Variants in DTWD2 observed in about 807,000 individuals in gnomAD.
DTWD2 encodes the protein tRNA-uridine aminocarboxypropyltransferase 2.
DTWD2 carries 39 observed loss-of-function variants against 31.8 expected under a neutral mutation model. The ratio of observed to expected loss-of-function variants is 1.22; its 90% CI spans 0.95 to 1.60. The LOEUF (loss-of-function observed/expected upper bound fraction) is 1.60, where lower values mean the gene tolerates loss of function less well. Ranked by LOEUF, DTWD2 falls within the 40% of genes most tolerant of loss-of-function variation. DTWD2 has a pLI of 0.00. For synonymous variants in DTWD2, 180 were observed against 142.8 expected, an observed-to-expected ratio of 1.26 and a Z score of -1.86; for missense variants, 515 against 381.5, an observed-to-expected ratio of 1.35 and a Z score of -2.92.
intron 5 of DTWD2, among the ~76,000 whole-genome samples, chr5:118,845,332 A>G (rs189738334): frequency 1.2e-3 from 187 of 152,284 alleles, no homozygotes; most frequent in African/African-American, 4.3e-3. Flanking sequence ...GAAAACACCT[A>G]TGTTTAGGGC....
intron 5 of DTWD2, among the ~76,000 whole-genome samples, chr5:118,844,535 C>T (rs1392206769): frequency 2.0e-5 from 3 of 152,038 alleles, no homozygotes; most frequent in Admixed American, 6.6e-5. Context: ...ACAACTGTGG[C>T]GATTACTCAT....
intron 1 of DTWD2, among the ~76,000 whole-genome samples, chr5:118,960,886 A>T (rs1467466258): frequency 6.6e-6 from 1 of 152,170 alleles, no homozygotes; most frequent in Non-Finnish European, 1.5e-5. Flanking sequence ...GTACACATGG[A>T]TGCCAAGAAG....
At chr5:118,985,918 G>T (rs1211461163) in intron 1 of DTWD2, among the ~76,000 whole-genome samples, 2 of 152,042 alleles carry the variant, frequency 1.3e-5, no homozygotes, top group Non-Finnish European at 2.9e-5. Flanking sequence ...TTTAATCTGA[G>T]GGCTCCCCAT....
At position 118,928,646 on chromosome 5, in the gene DTWD2, A is replaced by T; in HGVS notation, c.488T>A (p.Phe163Tyr). The T allele has an allele frequency of 6.2e-7, 1 of 1,602,022 alleles. No individual in the cohort carries two copies. The highest frequency in any genetic ancestry group is 8.5e-7 in the Non-Finnish European group (1 of 1,173,518). ...AGGATAAACAGGAGAATCTAATATA[A>T]ATTCTTCCAAATTAGCAGCTTCAGC... ...PGAEAANLEE[F>Y]ILDSPVYPST... The change falls in exon 4 of 6, where the codon TTT becomes TAT. Residue 163 changes from phenylalanine to tyrosine, a missense_variant. Phe to Tyr is a conservative substitution (Grantham distance 22, BLOSUM62 3). Coordinates refer to ENST00000510708, the MANE Select transcript of DTWD2 (RefSeq NM_173666.4).
intron 4 of DTWD2, among the ~76,000 whole-genome samples, chr5:118,923,996 TGCAGCCC>T (rs1753759164): frequency 1.3e-5 from 2 of 152,232 alleles, no homozygotes; most frequent in Non-Finnish European, 2.9e-5. Context: ...GACTGGCTTC[TGCAGCCC>T]AGTGTGGCTT....
chr5:118,873,500 T>C (rs1408408578), intron 4 of DTWD2, among the ~76,000 whole-genome samples: 3 of 152,204 alleles, frequency 2.0e-5, no homozygotes, highest in African/African-American at 7.2e-5. Context: ...TCAGCCTGCA[T>C]GCGGCTTCTT....
chr5:118,923,147 T>C (rs1252438160), intron 4 of DTWD2, among the ~76,000 whole-genome samples: 1 of 152,132 alleles, frequency 6.6e-6, no homozygotes, highest in East Asian at 1.9e-4. Flanking sequence ...CCTTATAAAT[T>C]GTACCTCATT....
intron 4 of DTWD2, among the ~76,000 whole-genome samples, chr5:118,855,768 C>T (rs181565665): frequency 3.2e-4 from 49 of 152,096 alleles, no homozygotes; most frequent in African/African-American, 1.1e-3. Flanking sequence ...ATAAAAAATG[C>T]ATGTTAATTA....
chr5:118,944,015 C>T (rs1428599887), intron 2 of DTWD2, among the ~76,000 whole-genome samples: 2 of 152,304 alleles, frequency 1.3e-5, no homozygotes, highest in East Asian at 1.9e-4. Context: ...TCAAGAGTTA[C>T]AAACACATAT....
intron 5 of DTWD2, among the ~76,000 whole-genome samples, chr5:118,843,295 G>C (rs1751765828): frequency 6.6e-6 from 1 of 150,548 alleles, no homozygotes; most frequent in Non-Finnish European, 1.5e-5. Flanking sequence ...GGAAGGAAGG[G>C]AAAGGAAGGG....
chr5:118,865,618 A>G (rs907518159), intron 4 of DTWD2, among the ~76,000 whole-genome samples: 1 of 152,202 alleles, frequency 6.6e-6, no homozygotes, highest in Non-Finnish European at 1.5e-5. Flanking sequence ...AATTTTAAGA[A>G]AGACAAGAGT....
At chr5:118,846,331 A>T (rs968108491) in intron 5 of DTWD2, among the ~76,000 whole-genome samples, 4 of 152,152 alleles carry the variant, frequency 2.6e-5, no homozygotes. Flanking sequence ...TTCTACAACC[A>T]CTATTACCAT....
intron 4 of DTWD2, among the ~76,000 whole-genome samples, chr5:118,861,294 T>G (rs1216637242): frequency 6.6e-6 from 1 of 152,230 alleles, no homozygotes; most frequent in Non-Finnish European, 1.5e-5. Context: ...ATGATTAGAG[T>G]AAGCATTTGG....
At chr5:118,920,873 A>G (rs1031870739) in intron 4 of DTWD2, among the ~76,000 whole-genome samples, 12 of 152,298 alleles carry the variant, frequency 7.9e-5, no homozygotes, top group African/African-American at 2.9e-4. Flanking sequence ...CTTGGATTCA[A>G]GTTTCATATC....
intron 4 of DTWD2, among the ~76,000 whole-genome samples, chr5:118,851,571 A>T (rs1752006167): frequency 6.6e-6 from 1 of 151,804 alleles, no homozygotes; most frequent in Non-Finnish European, 1.5e-5. Context: ...AACTCCTGAT[A>T]AGTGTCTATG....
At chr5:118,938,073 A>C (rs1297831463) in intron 3 of DTWD2, among the ~76,000 whole-genome samples, 1 of 152,182 alleles carries the variant, frequency 6.6e-6, no homozygotes, top group Non-Finnish European at 1.5e-5. Context: ...ATTATACCTC[A>C]ATAATGCTTG....
chr5:118,913,985 ATAAAT>A (rs1419222659), intron 4 of DTWD2, among the ~76,000 whole-genome samples: 1 of 152,146 alleles, frequency 6.6e-6, no homozygotes, highest in Non-Finnish European at 1.5e-5. Context: ...TATAAATAAA[ATAAAT>A]TAATATGTAT....
At chr5:118,899,422 G>GT (rs1753154177) in intron 4 of DTWD2, among the ~76,000 whole-genome samples, 1 of 152,176 alleles carries the variant, frequency 6.6e-6, no homozygotes, top group Non-Finnish European at 1.5e-5. Flanking sequence ...ACCTAATCCT[G>GT]TATTTTCCCT....
intron 3 of DTWD2, among the ~76,000 whole-genome samples, chr5:118,938,728 A>G (rs577280834): frequency 6.6e-6 from 1 of 151,490 alleles, no homozygotes; most frequent in East Asian, 1.9e-4. Context: ...AATAATAATA[A>G]TAACAATTTA....
Sources: allele counts gnomAD v4.1 joint callset (sites outside exome capture counted in the v4.1 genomes callset), GRCh38; gene constraint gnomAD v4.1.1; transcripts MANE v1.5; gene names NCBI Gene and HGNC (gene_info 2026-07-23, HGNC 2026-07-21).